The following HELQ variants were observed in gnomAD, a reference collection of about 807,000 sequenced individuals.
HELQ encodes the protein helicase POLQ-like.
In HELQ, 77 loss-of-function variants were observed where a neutral mutation model predicts 111.6. That is an observed-to-expected ratio of 0.69 (90% CI 0.57 to 0.83). The LOEUF (loss-of-function observed/expected upper bound fraction) is 0.83. HELQ is among the 40% of genes least tolerant of loss of function. HELQ has a pLI of 0.00. For synonymous variants in HELQ, 438 were observed against 454.7 expected, an observed-to-expected ratio of 0.96 and a Z score of 0.47; for missense variants, 1,200 against 1,288.5, an observed-to-expected ratio of 0.93 and a Z score of 1.05.
chr4:83,415,310 T>C (rs1739302713), intron 17 of HELQ, among the ~76,000 whole-genome samples: 4 of 152,100 alleles, frequency 2.6e-5, no homozygotes, highest in Non-Finnish European at 4.4e-5. Flanking sequence ...TTGGGGGCAA[T>C]AAGAGCTGTT....
Position 83,455,634 on chromosome 4 carries a change from T to C in HELQ, c.60A>G (p.Pro20=), listed in dbSNP as rs148028121. 4 of 1,613,562 alleles carry C rather than the reference T, an allele frequency of 2.5e-6. No homozygotes were observed. In the African/African-American group the frequency reaches 4.0e-5, roughly 16 times the overall value. ...GAGCGCCAAAAATACACCCCAAGCT[T>C]GGACGGTTCCTTTTGGGGAGAGACA... The part of the protein sequence containing the change: ...RRVSLPKRNR[P]SLGCIFGAPT... Residue 20 remains proline, a synonymous_variant, in exon 1 of 18, where the codon CCA becomes CCG. Coordinates refer to ENST00000295488, the MANE Select transcript of HELQ (RefSeq NM_133636.5).
chr4:83,445,303 A>G (rs1720992841), intron 5 of HELQ, among the ~76,000 whole-genome samples: 1 of 152,238 alleles, frequency 6.6e-6, no homozygotes, highest in Non-Finnish European at 1.5e-5. Flanking sequence ...CACTTAAAAT[A>G]GTGCCTAGCA....
At chr4:83,442,911 T>C (rs1296203091) in intron 6 of HELQ, among the ~76,000 whole-genome samples, 1 of 151,996 alleles carries the variant, frequency 6.6e-6, no homozygotes, top group African/African-American at 2.4e-5. Context: ...GAAAACCTAT[T>C]TAGACACTGA....
chr4:83,427,670 C>A lies in HELQ; in HGVS notation c.2569G>T (p.Gly857Cys). The change falls in exon 13 of 18, where the codon GGT becomes TGT. Residue 857 changes from glycine (G) to cysteine (C), a missense_variant. By Grantham distance (159) the Gly-to-Cys change is radical (BLOSUM62 -3). Around this residue, in one of 3 missense-constraint regions of HELQ, gnomAD observed 585 missense variants for 665.3 expected, o/e 0.88. Transcript: ENST00000295488. ...CDILYRDLKK[G>C]LEGLVLESLL... ...CTTTCAAGCACAAGTCCTTCAAGAC[C>A]TTTCTTCAAGTCTCTGTACAGAATG... is the stretch of plus-strand genomic sequence containing the variant. 2 of 1,603,378 alleles carry A rather than the reference C, an allele frequency of 1.2e-6. No homozygotes were observed. The highest frequency in any genetic ancestry group is 2.3e-5 in the East Asian group (1 of 44,068).
rs903633831 is a variant in HELQ, at chr4:83,416,970, T to A, written c.3064-105A>T. 4 of 928,934 alleles carry A rather than the reference T, an allele frequency of 4.3e-6. No homozygotes were observed. In the African/African-American group the frequency reaches 5.1e-5, roughly 12 times the overall value. The allele number at this position is 928,934 out of a possible 1,614,324, so 57.5% of individuals were successfully genotyped here. ...AAAAACTGCATGTAAGAGACTGGGA[T>A]AAAATAAAGTAAATATGAAGAGACA... On this transcript the variant is annotated intron_variant, in intron 16 of 17. Coordinates refer to ENST00000295488, the MANE Select transcript of HELQ (RefSeq NM_133636.5).
intron 14 of HELQ, among the ~76,000 whole-genome samples, chr4:83,422,083 G>A (rs1011834430): frequency 4.0e-5 from 6 of 151,828 alleles, no homozygotes; most frequent in South Asian, 2.1e-4. Context: ...AAACGTGGCC[G>A]GGTGTGGTGG....
chr4:83,417,408 G>T (rs553818334), intron 16 of HELQ, among the ~76,000 whole-genome samples: 1 of 151,914 alleles, frequency 6.6e-6, no homozygotes, highest in African/African-American at 2.4e-5. Flanking sequence ...TCACCATGTG[G>T]GCCAGGTTGG....
rs1446209085 is a variant in HELQ at position 83,455,686 on chromosome 4, T to G, written c.8A>C (p.Glu3Ala). MD[E>A]CGSRIRRRVS... ...CCGCCGGCGGATGCGGGAACCACAT[T>G]CATCCATGGCAAGGACCCAGGGCCC... The change falls in exon 1 of 18, where the codon GAA becomes GCA. Residue 3 changes from glutamate (E) to alanine (A), a missense_variant. Physicochemically the swap from Glu to Ala is moderately radical, Grantham distance 107. Coordinates refer to ENST00000295488, the MANE Select transcript of HELQ (RefSeq NM_133636.5). 6.2e-7 allele frequency: 1 copy of G among 1,606,562 alleles called. No individual in the cohort carries two copies.
rs770164158 is a variant in HELQ, at chr4:83,416,785, C to G, written c.3144G>C (p.Arg1048Ser). The G allele has an allele frequency of 6.2e-7, 1 of 1,613,962 alleles. No homozygotes were observed. The highest frequency in any genetic ancestry group is 8.5e-7 in the Non-Finnish European group (1 of 1,179,908). The change falls in exon 17 of 18, where the codon AGG becomes AGC. Residue 1048 changes from arginine (R) to serine (S), a missense_variant. This residue lies in a region of HELQ where 585 missense variants were observed against 665.3 expected (regional missense o/e 0.88). Transcript: ENST00000295488. ...LANANPEVLV[R>S]TIDHLSRRQA... is the part of the protein sequence containing the mutation. ...GGCGTCTTGATAAATGATCAATTGTCCTTACGAGCACTTCAGGATTTGCAT... is the reference window on the plus strand; with the variant it reads ...GGCGTCTTGATAAATGATCAATTGTGCTTACGAGCACTTCAGGATTTGCAT...
chr4:83,455,819 C>T lies in HELQ; in HGVS notation c.-126G>A, dbSNP rs1721766216. On this transcript the variant is annotated 5_prime_UTR_variant, in exon 1 of 18. Transcript: ENST00000295488. ...ACCTTGGGAAAAGACCCCAAGTTAG[C>T]TCTCAGGGCTCGCGGACCGGAAGCA... The T allele has an allele frequency of 1.0e-6, 1 of 959,088 alleles. No homozygotes were observed. Among genetic ancestry groups the T allele is most frequent in the Non-Finnish European group, 1.6e-6 (1 of 637,384 alleles). 59.4% of individuals were successfully genotyped at this position (959,088 alleles called of 1,614,324 possible).
At chr4:83,427,782 T>C in intron 12 of HELQ, 62 bp from the exon 13 acceptor site, 1 of 1,214,088 alleles carries the variant, frequency 8.2e-7, no homozygotes, top group Non-Finnish European at 1.1e-6. Context: ...GAGATGGCTT[T>C]AAATATTGTG....
At chr4:83,455,828 C>A (rs10516688), upstream of HELQ, 22,450 of 914,034 alleles carry the variant, frequency 0.025, 3,198 homozygotes, top group African/African-American at 0.32. Flanking sequence ...GCTCTCAGGG[C>A]TCGCGGACCG....
intron 4 of HELQ, 54 bp from the exon 5 acceptor site, chr4:83,446,140 T>G: frequency 8.7e-7 from 1 of 1,150,366 alleles, no homozygotes; most frequent in Non-Finnish European, 1.3e-6. Flanking sequence ...ATAGTGCTCA[T>G]ATAAAACATG....
At chr4:83,414,535 G>T (rs1739265942) in intron 17 of HELQ, among the ~76,000 whole-genome samples, 2 of 152,158 alleles carry the variant, frequency 1.3e-5, no homozygotes, top group African/African-American at 2.4e-5. Flanking sequence ...GAATGATGAT[G>T]ACAGGTCAAA....
At position 83,446,073 on chromosome 4, in the gene HELQ, C is replaced by A. The variant is rs745724699; in HGVS notation, c.1406G>T (p.Gly469Val). The A allele has an allele frequency of 5.0e-6, 8 of 1,612,968 alleles. No homozygotes were observed. Among genetic ancestry groups the A allele is most frequent in the Non-Finnish European group, 6.8e-6 (8 of 1,179,368 alleles). The change falls in exon 5 of 18, where the codon GGT becomes GTT. Residue 469 changes from glycine to valine, a missense_variant. This residue lies in a region of HELQ where 610 missense variants were observed against 607.1 expected (regional missense o/e 1.00). Coordinates refer to ENST00000295488, the MANE Select transcript of HELQ (RefSeq NM_133636.5). ...LVVVDELHMI[G>V]EGSRGATLEM... ...CAGTGTAGCTCCACGGCTTCCTTCACCAATCATGTGCAACTTCGAGATTTT... is the reference window on the plus strand; with the variant it reads ...CAGTGTAGCTCCACGGCTTCCTTCAACAATCATGTGCAACTTCGAGATTTT...
At chr4:83,445,929 A>G (rs1721020594) in intron 5 of HELQ, 85 bp downstream of exon 5, 1 of 871,086 alleles carries the variant, frequency 1.1e-6, no homozygotes, top group Non-Finnish European at 1.9e-6. Context: ...TTTAGGTTAC[A>G]TACTGTAGCT....
chr4:83,429,970 G>A (rs1720053399), intron 11 of HELQ, among the ~76,000 whole-genome samples: 1 of 151,994 alleles, frequency 6.6e-6, no homozygotes. Context: ...ATGAAAACAT[G>A]TACTCATTTT....
At chr4:83,442,260 A>ATTTTTTT (rs70949710) in intron 6 of HELQ, among the ~76,000 whole-genome samples, 22 of 82,066 alleles carry the variant, frequency 2.7e-4, no homozygotes, top group African/African-American at 6.1e-4. Flanking sequence ...AAAAACATCA[A>ATTTTTTT]TTTTTTTTTT....
intron 8 of HELQ, 77 bp from the exon 9 acceptor site, chr4:83,437,174 A>G: frequency 7.5e-7 from 1 of 1,333,454 alleles, no homozygotes; most frequent in Non-Finnish European, 1.0e-6. Flanking sequence ...ATTTTAGTAG[A>G]TGCTAATGTA....
Sources: gnomAD v4.1 joint callset for allele counts (sites outside exome capture counted in the v4.1 genomes callset) on GRCh38, gnomAD v4.1.1 for gene constraint, gnomAD v4.1.1 regional missense constraint, MANE v1.5 for transcripts, NCBI Gene and HGNC (gene_info 2026-07-23, HGNC 2026-07-21) for gene names.